Variants in CDH18 observed in about 807,000 individuals in gnomAD.
CDH18 encodes the protein cadherin-18.
CDH18 carries 31 observed loss-of-function variants against 67.9 expected under a neutral mutation model. The ratio of observed to expected loss-of-function variants is 0.46; its 90% CI spans 0.34 to 0.62. The LOEUF (loss-of-function observed/expected upper bound fraction) is 0.62, where lower values mean the gene tolerates loss of function less well. Ranked by LOEUF, CDH18 falls within the 20% of genes least tolerant of loss-of-function variation. The pLI is 0.01. For synonymous variants in CDH18, 362 were observed against 347.2 expected (o/e 1.04, Z -0.48); for missense variants, 890 against 975.5 (o/e 0.91, Z 1.17).
Position 20,316,567 on chromosome 5 carries a change from T to A in CDH18, c.-579-61062A>T, listed in dbSNP as rs192262526. On this transcript the variant is annotated intron_variant, in intron 1 of 14. Transcript: ENST00000507958. ...ATAGAAAGCTGTCAAGTTTATTAAG[T>A]TTGAATTAATTGAAAATTATATGGC... Among the ~76,000 whole-genome samples the A allele has an allele frequency of 3.0e-4, 45 of 152,122 alleles. No individual in the cohort carries two copies. The South Asian group carries it at 8.5e-3, about 29-fold the overall frequency.
intron 1 of CDH18, among the ~76,000 whole-genome samples, chr5:20,478,066 A>C (rs1310220455): frequency 1.3e-5 from 2 of 152,178 alleles, no homozygotes; most frequent in Middle Eastern, 6.8e-3. Flanking sequence ...CTGCTCAATA[A>C]AGAGCTCTTG....
intron 2 of CDH18, among the ~76,000 whole-genome samples, chr5:19,899,862 A>C (rs930138005): frequency 2.0e-5 from 3 of 152,144 alleles, no homozygotes; most frequent in Non-Finnish European, 4.4e-5. Context: ...GCATGATTCC[A>C]CTTATACGAG....
At chr5:19,527,339 T>C (rs1580009603) in intron 9 of CDH18, among the ~76,000 whole-genome samples, 1 of 149,878 alleles carries the variant, frequency 6.7e-6, no homozygotes, top group East Asian at 1.9e-4. Flanking sequence ...AACTACTTTA[T>C]AATACTATTA....
rs1470173270 is a variant in CDH18 at position 20,168,349 on chromosome 5, A to G, written c.-518+87095T>C. Among the ~76,000 whole-genome samples the G allele has an allele frequency of 2.6e-5, 4 of 152,162 alleles. No homozygotes were observed. In the East Asian group the frequency reaches 5.8e-4, roughly 22 times the overall value. ...AGCGCACTTTAGTTTAGCTAATTAC[A>G]TTAATAACTTAAGCAAAGCTTAAAA... On this transcript the variant is annotated intron_variant, in intron 2 of 14. Transcript: ENST00000507958.
intron 1 of CDH18, among the ~76,000 whole-genome samples, chr5:20,334,760 A>ACACACG (rs1208125181): frequency 7.4e-6 from 1 of 134,576 alleles, no homozygotes; most frequent in Non-Finnish European, 1.5e-5. Flanking sequence ...TCATACACAC[A>ACACACG]CACACACACA....
intron 2 of CDH18, among the ~76,000 whole-genome samples, chr5:20,071,269 A>C (rs1743457907): frequency 6.6e-6 from 1 of 152,102 alleles, no homozygotes; most frequent in East Asian, 1.9e-4. Flanking sequence ...GTCAAGACTT[A>C]GCTAAAGATT....
intron 5 of CDH18, among the ~76,000 whole-genome samples, chr5:19,683,103 C>CTCTATCTATCTATCTATCTATCTATCTA (rs70950083): frequency 4.7e-5 from 7 of 149,050 alleles, no homozygotes; most frequent in Admixed American, 2.7e-4. Context: ...CAACATATAA[C>CTCTATCTATCTATCTATCTATCTATCTA]TCTATCTATC....
chr5:20,233,344 A>AAATTTTTCATT (rs146231263), intron 2 of CDH18, among the ~76,000 whole-genome samples: 5,908 of 151,624 alleles, frequency 0.039, 348 homozygotes, highest in East Asian at 0.28. Context: ...TCTCCTATTT[A>AAATTTTTCATT]AATTTTTCAT....
At chr5:20,051,438 C>A (rs886897766) in intron 2 of CDH18, among the ~76,000 whole-genome samples, 1 of 151,758 alleles carries the variant, frequency 6.6e-6, no homozygotes, top group Non-Finnish European at 1.5e-5. Flanking sequence ...TGAGTTATGA[C>A]TCTACTATGT....
intron 1 of CDH18, among the ~76,000 whole-genome samples, chr5:20,513,333 A>G (rs1378939538): frequency 6.6e-6 from 1 of 152,142 alleles, no homozygotes; most frequent in Admixed American, 6.6e-5. Context: ...ATACATCTTC[A>G]GAGAGACAAT....
chr5:20,279,363 T>C (rs983362325), intron 1 of CDH18, among the ~76,000 whole-genome samples: 1 of 150,878 alleles, frequency 6.6e-6, no homozygotes, highest in African/African-American at 2.4e-5. Context: ...TAATTATAAA[T>C]ATACACTCAC....
intron 10 of CDH18, among the ~76,000 whole-genome samples, chr5:19,516,933 C>T (rs566003606): frequency 2.4e-4 from 36 of 152,072 alleles, no homozygotes; most frequent in African/African-American, 8.2e-4. Context: ...AATAAAACTG[C>T]TATAAATAAT....
At position 19,910,121 on chromosome 5, in the gene CDH18, A is replaced by G. The variant is rs577344686; in HGVS notation, c.-256-70879T>C. ...CTTTTCAGGAAATAAATCAGCCCCAATGTGGCTCAATAACTGTGGCCAAAA... is the reference window on the plus strand; with the variant it reads ...CTTTTCAGGAAATAAATCAGCCCCAGTGTGGCTCAATAACTGTGGCCAAAA... On this transcript the variant is annotated intron_variant, in intron 2 of 12. Transcript: ENST00000382275. Among the ~76,000 whole-genome samples, 132 of 152,298 alleles carry G rather than the reference A, an allele frequency of 8.7e-4. 1 individual carries two copies. The highest frequency in any genetic ancestry group is 3.1e-3 in the African/African-American group (128 of 41,572).
intron 8 of CDH18, among the ~76,000 whole-genome samples, chr5:19,564,578 C>T (rs1740027642): frequency 6.6e-6 from 1 of 152,144 alleles, no homozygotes; most frequent in African/African-American, 2.4e-5. Context: ...CCAGACATTA[C>T]TCATCGTGGG....
chr5:19,755,036 T>C (rs1771342129), intron 3 of CDH18, among the ~76,000 whole-genome samples: 1 of 151,858 alleles, frequency 6.6e-6, no homozygotes, highest in Non-Finnish European at 1.5e-5. Flanking sequence ...TTCATAGCCC[T>C]AAATGCCTAC....
intron 1 of CDH18, among the ~76,000 whole-genome samples, chr5:20,351,889 C>T (rs1258720234): frequency 2.6e-5 from 4 of 152,072 alleles, no homozygotes; most frequent in Admixed American, 6.6e-5. Context: ...ATGGAACCAG[C>T]GAGTCCACTG....
At chr5:20,066,469 G>A (rs993103765) in intron 2 of CDH18, among the ~76,000 whole-genome samples, 1 of 151,936 alleles carries the variant, frequency 6.6e-6, no homozygotes, top group African/African-American at 2.4e-5. Flanking sequence ...TTGGGAATAT[G>A]ACTTGACACA....
At chr5:19,485,719 T>C in intron 11 of CDH18, among the ~76,000 whole-genome samples, 1 of 152,104 alleles carries the variant, frequency 6.6e-6, no homozygotes, top group East Asian at 1.9e-4. Flanking sequence ...TGAACAGAAG[T>C]CTTTAGTCTA....
At chr5:19,965,121 T>C (rs1797300571) in intron 2 of CDH18, among the ~76,000 whole-genome samples, 1 of 152,180 alleles carries the variant, frequency 6.6e-6, no homozygotes, top group Non-Finnish European at 1.5e-5. Flanking sequence ...GATATCTTTA[T>C]TTTGTAGTTT....
Sources: allele counts gnomAD v4.1 joint callset (sites outside exome capture counted in the v4.1 genomes callset), GRCh38; gene constraint gnomAD v4.1.1; transcripts MANE v1.5; gene names NCBI Gene and HGNC (gene_info 2026-07-23, HGNC 2026-07-21).